The following SEPTIN9 variants were observed in gnomAD, a reference collection of about 807,000 sequenced individuals.
SEPTIN9 encodes septin-9.
SEPTIN9 carries 13 observed loss-of-function variants against 56.6 expected under a neutral mutation model. The ratio of observed to expected loss-of-function variants is 0.23; its 90% CI spans 0.15 to 0.37. SEPTIN9 has a LOEUF of 0.37. Ranked by LOEUF, SEPTIN9 falls within the 10% of genes least tolerant of loss-of-function variation. The pLI is 1.00. For missense variants in SEPTIN9, 650 were observed against 823.1 expected (o/e 0.79, Z 2.57); for synonymous variants, 332 against 334.1 (o/e 0.99, Z 0.07).
chr17:77,414,967 C>T (rs2036446663), intron 3 of SEPTIN9, among the ~76,000 whole-genome samples: 1 of 152,232 alleles, frequency 6.6e-6, no homozygotes, highest in Admixed American at 6.5e-5. Context: ...GGTCCATCCA[C>T]ATTGTGGCAG....
chr17:77,364,358 G>A (rs920038512), intron 2 of SEPTIN9, among the ~76,000 whole-genome samples: 64 of 152,318 alleles, frequency 4.2e-4, no homozygotes, highest in African/African-American at 1.5e-3. Flanking sequence ...AGGGTAATTT[G>A]TTAATGGGGT....
At chr17:77,422,703 C>T (rs1358293568) in intron 3 of SEPTIN9, among the ~76,000 whole-genome samples, 1 of 152,190 alleles carries the variant, frequency 6.6e-6, no homozygotes, top group Non-Finnish European at 1.5e-5. Flanking sequence ...TGAAACTGGG[C>T]CCACAGAAGC....
Position 77,323,908 on chromosome 17 carries a change from A to G in SEPTIN9, c.76+16711A>G, listed in dbSNP as rs4788986. ...TGGTTTCCTGGGGCTGCCATCACCA[A>G]GTGCCACAAACTGGGTGGCTCAAAA... On this transcript the variant is annotated intron_variant, in intron 2 of 11. Transcript: ENST00000427177. The surrounding 1 kb of genome is among the most constrained non-coding windows in gnomAD (Gnocchi z 6.8). The G allele has an allele frequency of 0.82, 124,351 of 152,250 alleles. 50,935 individuals are homozygous for G. The highest frequency in any genetic ancestry group is 0.99 in the East Asian group (5,147 of 5,192). 9.4% of individuals were successfully genotyped at this position (152,250 alleles called of 1,614,324 possible).
At chr17:77,378,433 A>T (rs2035011571) in intron 2 of SEPTIN9, among the ~76,000 whole-genome samples, 1 of 152,142 alleles carries the variant, frequency 6.6e-6, no homozygotes, top group African/African-American at 2.4e-5. Flanking sequence ...GGACTCTGAG[A>T]TGCAGCCCAT....
chr17:77,333,860 A>T (rs1470834448), intron 2 of SEPTIN9, among the ~76,000 whole-genome samples: 1 of 152,012 alleles, frequency 6.6e-6, no homozygotes, highest in Non-Finnish European at 1.5e-5. Context: ...GAGGTCGCAC[A>T]ATTTTCCAAG....
intron 2 of SEPTIN9, among the ~76,000 whole-genome samples, chr17:77,314,181 T>A (rs1411344064): frequency 3.5e-4 from 28 of 80,254 alleles, no homozygotes; most frequent in Non-Finnish European, 6.1e-4. Flanking sequence ...AAAAAAAAAA[T>A]TTTTTTTTTT....
intron 3 of SEPTIN9, chr17:77,446,439 C>T (rs1391234956): frequency 6.5e-6 from 1 of 153,132 alleles, no homozygotes; most frequent in African/African-American, 2.4e-5. Context: ...CAGCCTCCGC[C>T]TCCTGGGTTC....
At chr17:77,337,439 G>A (rs559316518) in intron 2 of SEPTIN9, among the ~76,000 whole-genome samples, 2 of 152,264 alleles carry the variant, frequency 1.3e-5, no homozygotes, top group South Asian at 4.2e-4. Context: ...TGATTCATGA[G>A]GGATATTGGT....
At chr17:77,485,133 G>A in intron 4 of SEPTIN9, among the ~76,000 whole-genome samples, 1 of 148,596 alleles carries the variant, frequency 6.7e-6, no homozygotes, top group Non-Finnish European at 1.5e-5. Context: ...TGATGTGGGT[G>A]GTGGTGGTGA....
intron 3 of SEPTIN9, among the ~76,000 whole-genome samples, chr17:77,423,284 C>T (rs180706890): frequency 0.011 from 1,732 of 152,294 alleles, 14 homozygotes; most frequent in Non-Finnish European, 0.016. Flanking sequence ...GATCCGCCCG[C>T]CTCAGCCTCC....
intron 2 of SEPTIN9, among the ~76,000 whole-genome samples, chr17:77,339,913 C>T (rs566932344): frequency 4.3e-4 from 65 of 152,066 alleles, no homozygotes; most frequent in African/African-American, 1.6e-3. Context: ...GCAGCCTCCG[C>T]CTCCCAGGTT....
chr17:77,496,056 T>G (rs2040245595), intron 10 of SEPTIN9, among the ~76,000 whole-genome samples: 1 of 150,048 alleles, frequency 6.7e-6, no homozygotes, highest in Non-Finnish European at 1.5e-5. Context: ...TGAGACGAAG[T>G]TTCACTCTTT....
At chr17:77,498,348 T>C (rs552525776) in intron 11 of SEPTIN9, among the ~76,000 whole-genome samples, 175 bp from the exon 12 acceptor site, 1 of 151,628 alleles carries the variant, frequency 6.6e-6, no homozygotes, top group Admixed American at 6.5e-5. Flanking sequence ...GTGTACCAGA[T>C]CTGGTCCAAC....
chr17:77,378,125 G>A (rs954715075), intron 2 of SEPTIN9, among the ~76,000 whole-genome samples: 15 of 152,196 alleles, frequency 9.9e-5, no homozygotes, highest in African/African-American at 3.6e-4. Context: ...GGATGTCCGG[G>A]AAGAGGCAGG....
chr17:77,388,316 G>A (rs79577179), intron 2 of SEPTIN9, among the ~76,000 whole-genome samples: 4,279 of 152,188 alleles, frequency 0.028, 70 homozygotes, highest in Non-Finnish European at 0.045. Context: ...GCCTCTCTCT[G>A]GTTACCCCTT....
At position 77,367,150 on chromosome 17, in the gene SEPTIN9, C is replaced by T. The variant is rs2034595975; in HGVS notation, c.77-34909C>T. On this transcript the variant is annotated intron_variant, in intron 2 of 11. Coordinates refer to ENST00000427177, the MANE Select transcript of SEPTIN9 (RefSeq NM_001113491.2). The surrounding 1 kb of genome is among the most constrained non-coding windows in gnomAD (Gnocchi z 4.5). ...CAGGCTGAATGGGGAAATGCAAACTCAGGTGGCCTGAAAGAGACTTAGTGG... is the reference window on the plus strand; with the variant it reads ...CAGGCTGAATGGGGAAATGCAAACTTAGGTGGCCTGAAAGAGACTTAGTGG... Among the ~76,000 whole-genome samples the T allele has an allele frequency of 6.6e-6, 1 of 152,172 alleles. No homozygotes were observed. The highest frequency in any genetic ancestry group is 6.5e-5 in the Admixed American group (1 of 15,270).
chr17:77,425,275 C>T lies in SEPTIN9; in HGVS notation c.721+22572C>T, dbSNP rs990117136. Among the ~76,000 whole-genome samples, 1 of 152,326 alleles carries T rather than the reference C, an allele frequency of 6.6e-6. No individual in the cohort carries two copies. Among genetic ancestry groups the T allele is most frequent in the African/African-American group, 2.4e-5 (1 of 41,572 alleles). ...AAACCCAGCTGCACAGGAAGCCGGG[C>T]CAGCGGCCTCCGGAAGCCTCTGGGC... On this transcript the variant is annotated intron_variant, in intron 3 of 11. Transcript: ENST00000427177. The surrounding 1 kb of genome is among the most constrained non-coding windows in gnomAD (Gnocchi z 4.2).
chr17:77,440,164 T>C (rs149129386), intron 3 of SEPTIN9, among the ~76,000 whole-genome samples: 114 of 152,300 alleles, frequency 7.5e-4, no homozygotes, highest in African/African-American at 2.6e-3. Flanking sequence ...TTTAAATTTA[T>C]TTTTATTTGA....
chr17:77,459,729 T>TG (rs2038376405), intron 3 of SEPTIN9, among the ~76,000 whole-genome samples: 1 of 151,490 alleles, frequency 6.6e-6, no homozygotes, highest in South Asian at 2.1e-4. Context: ...TTTTTTGAAA[T>TG]GGAGTCTCGC....
Sources: allele counts gnomAD v4.1 joint callset (sites outside exome capture counted in the v4.1 genomes callset), GRCh38; gene constraint gnomAD v4.1.1; non-coding constraint Gnocchi (gnomAD v3.1); transcripts MANE v1.5; gene names NCBI Gene and HGNC (gene_info 2026-07-23, HGNC 2026-07-21).